Variants in IL15RA observed in about 807,000 individuals in gnomAD.
The protein encoded by IL15RA is interleukin 15 receptor subunit alpha.
IL15RA carries 26 observed loss-of-function variants against 24.2 expected under a neutral mutation model. The observed-to-expected ratio is 1.07, with a 90% CI of 0.79 to 1.49. The LOEUF (loss-of-function observed/expected upper bound fraction) is 1.49. IL15RA is among the 40% of genes most tolerant of loss of function. The pLI is 0.00. For missense variants in IL15RA, 354 were observed against 356.4 expected (o/e 0.99, Z 0.05); for synonymous variants, 166 against 157.6 (o/e 1.05, Z -0.40).
At position 5,962,761 on chromosome 10, in the gene IL15RA, T is replaced by A. The variant is rs893313940; in HGVS notation, c.382+982A>T. 1.3e-5 allele frequency among the ~76,000 whole-genome samples: 2 copies of A among 151,498 alleles called. No individual in the cohort carries two copies. The highest frequency in any genetic ancestry group is 2.9e-5 in the Non-Finnish European group (2 of 67,932). On this transcript the variant is annotated intron_variant, in intron 3 of 6. Coordinates refer to ENST00000379977, the MANE Select transcript of IL15RA (RefSeq NM_002189.4). The surrounding 1 kb of genome is among the most constrained non-coding windows in gnomAD (Gnocchi z 5.2). Reference sequence around the variant, plus strand: ...GTATGAATGACAACAGACAGGCCCATCCCCCCGGGGGCAAAGGAGTAGACA... The same window carrying A: ...GTATGAATGACAACAGACAGGCCCAACCCCCCGGGGGCAAAGGAGTAGACA...
At chr10:5,954,474 T>G (rs112747087) in intron 6 of IL15RA, among the ~76,000 whole-genome samples, 135 of 152,164 alleles carry the variant, frequency 8.9e-4, no homozygotes, top group Middle Eastern at 3.4e-3. Flanking sequence ...TTTTTGTGTG[T>G]GGGGGGATGG....
Position 5,952,749 on chromosome 10 carries a change from G to A in IL15RA, c.*346C>T, listed in dbSNP as rs575217452. On this transcript the variant is annotated 3_prime_UTR_variant, in exon 7 of 7. Transcript: ENST00000379977. ...TGAACTGAAAGTTAGGATGAGGGAC[G>A]GAAGATTCGGGGCAGGGTTTTTATT... is the stretch of plus-strand genomic sequence containing the variant. 7.4e-5 allele frequency: 22 copies of A among 296,892 alleles called. No individual in the cohort carries two copies. The South Asian group carries it at 1.3e-3, about 17-fold the overall frequency. 18.4% of individuals were successfully genotyped at this position (296,892 alleles called of 1,614,324 possible).
Position 5,953,411 on chromosome 10 carries a change from C to T in IL15RA, c.693-205G>A. Reference sequence around the variant, plus strand: ...CCTACCTCTACCGAGTGTATTAAATCCTATCTAGGGGCCAGGTGTGGTGGC... The same window carrying T: ...CCTACCTCTACCGAGTGTATTAAATTCTATCTAGGGGCCAGGTGTGGTGGC... On this transcript the variant is annotated intron_variant, in intron 6 of 6. Coordinates refer to ENST00000379977, the MANE Select transcript of IL15RA (RefSeq NM_002189.4). This position sits in a 1 kb window ranked among gnomAD's most constrained non-coding sequence, Gnocchi z 5.3. The T allele has an allele frequency of 8.5e-6, 6 of 704,942 alleles. No individual in the cohort carries two copies. In the South Asian group the frequency reaches 8.9e-5, roughly 10 times the overall value. 43.7% of individuals were successfully genotyped at this position (704,942 alleles called of 1,614,324 possible). A position where few individuals can be genotyped will look rare whatever the true frequency, so the allele number is the denominator to read the frequency against.
At position 5,959,150 on chromosome 10, in the gene IL15RA, CTT is replaced by C. The variant is rs1478715102; in HGVS notation, c.616+602_616+603del. Among the ~76,000 whole-genome samples, 1 of 150,872 alleles carries C rather than the reference CTT, an allele frequency of 6.6e-6. No individual in the cohort carries two copies. The highest frequency in any genetic ancestry group is 2.4e-5 in the African/African-American group (1 of 41,072). On this transcript the variant is annotated intron_variant, in intron 5 of 6. Coordinates refer to ENST00000379977, the MANE Select transcript of IL15RA (RefSeq NM_002189.4). The surrounding 1 kb of genome is among the most constrained non-coding windows in gnomAD (Gnocchi z 4.1). ...TTTTGGTTTTATTTTGTTTTGTTAACTTTTTTTCTTTTTCTTTTTCTTTTTTT... is the reference window on the plus strand; with the variant it reads ...TTTTGGTTTTATTTTGTTTTGTTAACTTTTTCTTTTTCTTTTTCTTTTTTT...
In IL15RA at chr10:5,958,395, C is replaced by T; in HGVS notation, c.616+1359G>A. The T allele has an allele frequency of 2.3e-6, 1 of 426,658 alleles. No homozygotes were observed. Among genetic ancestry groups the T allele is most frequent in the Non-Finnish European group, 4.8e-6 (1 of 210,200 alleles). The allele number at this position is 426,658 out of a possible 1,614,324, so 26.4% of individuals were successfully genotyped here. A position where few individuals can be genotyped will look rare whatever the true frequency, so the allele number is the denominator to read the frequency against. On this transcript the variant is annotated intron_variant, in intron 5 of 6. Coordinates refer to ENST00000379977, the MANE Select transcript of IL15RA (RefSeq NM_002189.4). The surrounding 1 kb of genome is among the most constrained non-coding windows in gnomAD (Gnocchi z 4.3). ...GTTAGAAATGGGATTTGCTTTTCGT[C>T]TTTTTTTTGAGACAGGGTCCTGTCC...
chr10:5,952,138 G>A (rs1191271944), downstream of IL15RA, among the ~76,000 whole-genome samples: 1 of 152,200 alleles, frequency 6.6e-6, no homozygotes, highest in Non-Finnish European at 1.5e-5. Context: ...GGGAAGAGAC[G>A]ATGTGTATAC....
In IL15RA at chr10:5,973,366, G is replaced by C. The variant is rs1029897612; in HGVS notation, c.88+4039C>G. 3.3e-5 allele frequency among the ~76,000 whole-genome samples: 5 copies of C among 152,156 alleles called. No homozygotes were observed. Among genetic ancestry groups the C allele is most frequent in the Non-Finnish European group, 7.4e-5 (5 of 68,016 alleles). On this transcript the variant is annotated intron_variant, in intron 1 of 6. Coordinates refer to ENST00000379977, the MANE Select transcript of IL15RA (RefSeq NM_002189.4). This position sits in a 1 kb window ranked among gnomAD's most constrained non-coding sequence, Gnocchi z 4.5. ...AAGATGTCTTTCACATCTTTTGTTA[G>C]ATTTATCCGTAAGTATCTAATGCTT...
chr10:5,960,653 A>G lies in IL15RA; in HGVS notation c.383-86T>C, dbSNP rs1487807219. Reference sequence around the variant, plus strand: ...AGCACGGGGTGATGTGGGAGCTGCCATAGTGAGTCACCCTGACCAGCCCTC... The same window carrying G: ...AGCACGGGGTGATGTGGGAGCTGCCGTAGTGAGTCACCCTGACCAGCCCTC... On this transcript the variant is annotated intron_variant, in intron 3 of 6. Coordinates refer to ENST00000379977, the MANE Select transcript of IL15RA (RefSeq NM_002189.4). This position sits in a 1 kb window ranked among gnomAD's most constrained non-coding sequence, Gnocchi z 5.1. 1 of 1,143,698 alleles carries G rather than the reference A, an allele frequency of 8.7e-7. No homozygotes were observed. The highest frequency in any genetic ancestry group is 1.3e-6 in the Non-Finnish European group (1 of 775,872). The allele number at this position is 1,143,698 out of a possible 1,614,324, so 70.8% of individuals were successfully genotyped here. A position where few individuals can be genotyped will look rare whatever the true frequency, so the allele number is the denominator to read the frequency against.
rs905817645 is a variant in IL15RA at position 5,964,845 on chromosome 10, T to A, written c.284-1004A>T. Among the ~76,000 whole-genome samples the A allele has an allele frequency of 6.6e-6, 1 of 152,176 alleles. No individual in the cohort carries two copies. The highest frequency in any genetic ancestry group is 1.5e-5 in the Non-Finnish European group (1 of 68,024). On this transcript the variant is annotated intron_variant, in intron 2 of 6. Transcript: ENST00000379977. The surrounding 1 kb of genome is among the most constrained non-coding windows in gnomAD (Gnocchi z 5.6). Reference sequence around the variant, plus strand: ...ACAGATCCTGCTCACCCCGCCACGCTCAGCTTTCCCATTCACTCACTGATG... The same window carrying A: ...ACAGATCCTGCTCACCCCGCCACGCACAGCTTTCCCATTCACTCACTGATG...
At chr10:5,974,859 A>G (rs896317552) in intron 1 of IL15RA, among the ~76,000 whole-genome samples, 6 of 152,258 alleles carry the variant, frequency 3.9e-5, no homozygotes, top group African/African-American at 1.4e-4. Flanking sequence ...TCTGGGCAAC[A>G]GAGTGAGATT....
chr10:5,974,046 C>A (rs948187109), intron 1 of IL15RA, among the ~76,000 whole-genome samples: 19 of 152,056 alleles, frequency 1.2e-4, no homozygotes, highest in Admixed American at 1.0e-3. Context: ...GTGTCCCAGG[C>A]TGGAGTGCAG....
rs1834005371 is a variant in IL15RA at position 5,952,905 on chromosome 10, G to A, written c.*190C>T. On this transcript the variant is annotated 3_prime_UTR_variant, in exon 7 of 7. Transcript: ENST00000379977. ...ACAGGCAGGCAGGTGGTGCCCATGGGAATGCGGAGAACCTGCTCCCTCGCG... is the reference window on the plus strand; with the variant it reads ...ACAGGCAGGCAGGTGGTGCCCATGGAAATGCGGAGAACCTGCTCCCTCGCG... 1.6e-6 allele frequency: 1 copy of A among 611,252 alleles called. No homozygotes were observed. Among genetic ancestry groups the A allele is most frequent in the African/African-American group, 1.9e-5 (1 of 53,966 alleles). The allele number at this position is 611,252 out of a possible 1,614,324, so 37.9% of individuals were successfully genotyped here.
intron 1 of IL15RA, 167 bp downstream of exon 1, chr10:5,977,238 T>C (rs1182861717): frequency 2.2e-5 from 8 of 366,768 alleles, no homozygotes. Context: ...GTGTCCCTCC[T>C]GCCCGGCGCC....
At chr10:5,951,723 G>T (rs978522531), downstream of IL15RA, among the ~76,000 whole-genome samples, 3 of 152,102 alleles carry the variant, frequency 2.0e-5, no homozygotes, top group African/African-American at 7.2e-5. Flanking sequence ...AGCTACTTGG[G>T]AGGCTGAGGT....
intron 5 of IL15RA, among the ~76,000 whole-genome samples, chr10:5,957,100 C>T (rs984510533): frequency 1.3e-5 from 2 of 151,812 alleles, no homozygotes; most frequent in African/African-American, 4.8e-5. Flanking sequence ...GCTGGGATTA[C>T]AGGCACACAC....
chr10:5,954,186 T>TTA (rs1554816722), intron 6 of IL15RA, among the ~76,000 whole-genome samples: 12 of 138,154 alleles, frequency 8.7e-5, no homozygotes, highest in South Asian at 2.3e-4. Context: ...TTTTTTTTTT[T>TTA]TCTGAGACAG....
At position 5,966,166 on chromosome 10, in the gene IL15RA, T is replaced by C. The variant is rs758791677; in HGVS notation, c.262A>G (p.Thr88Ala). The C allele has an allele frequency of 2.0e-5, 32 of 1,609,102 alleles. 2 individuals are homozygous for C. The South Asian group carries it at 2.9e-4, about 14-fold the overall frequency. Residue 88 changes from threonine (T) to alanine (A), a missense_variant, in exon 2 of 7, where the codon ACC becomes GCC. Thr to Ala is a moderately conservative substitution (Grantham distance 58, BLOSUM62 0). Transcript: ENST00000379977. This position sits in a 1 kb window ranked among gnomAD's most constrained non-coding sequence, Gnocchi z 6.4. The stretch of plus-strand genomic sequence containing the variant: ...TCACTAATGCATTTGAGACTGGGGG[T>C]TGTCCAGTGGGCGACATTCGTGGCC... ...NKATNVAHWT[T>A]PSLKCIRDPA...
chr10:5,951,524 T>A (rs1217248240), downstream of IL15RA, among the ~76,000 whole-genome samples: 1 of 152,170 alleles, frequency 6.6e-6, no homozygotes, highest in Non-Finnish European at 1.5e-5. Flanking sequence ...CTTATTACTT[T>A]TGTTTTTTAA....
In IL15RA at chr10:5,973,531, T is replaced by G. The variant is rs1325241399; in HGVS notation, c.88+3874A>C. ...TTAGACACATATGGCTGACTGATGT[T>G]CAAAAGGTATAAGAGAAGGTCAGTG... On this transcript the variant is annotated intron_variant, in intron 1 of 6. Transcript: ENST00000379977. This position sits in a 1 kb window ranked among gnomAD's most constrained non-coding sequence, Gnocchi z 4.5. Among the ~76,000 whole-genome samples the G allele has an allele frequency of 6.6e-6, 1 of 152,204 alleles. No homozygotes were observed. Among genetic ancestry groups the G allele is most frequent in the African/African-American group, 2.4e-5 (1 of 41,444 alleles).
Sources: gnomAD v4.1 joint callset for allele counts (sites outside exome capture counted in the v4.1 genomes callset) on GRCh38, gnomAD v4.1.1 for gene constraint, Gnocchi (gnomAD v3.1) non-coding constraint, MANE v1.5 for transcripts, NCBI Gene and HGNC (gene_info 2026-07-23, HGNC 2026-07-21) for gene names.